Variants in ABCA13 observed in about 807,000 individuals in gnomAD.
ABCA13 encodes ATP-binding cassette sub-family A member 13.
ABCA13 carries 476 observed loss-of-function variants against 478.7 expected under a neutral mutation model. That is an observed-to-expected ratio of 0.99 (90% CI 0.92 to 1.07). The LOEUF (loss-of-function observed/expected upper bound fraction) is 1.07. Ranked by LOEUF, ABCA13 falls within the 50% of genes least tolerant of loss-of-function variation. The pLI, the probability that ABCA13 is intolerant of heterozygous loss-of-function variation, is 0.00. For missense variants in ABCA13, 6,060 were observed against 5,910.6 expected, an observed-to-expected ratio of 1.03 and a Z score of -0.83; for synonymous variants, 2,252 against 2,158.9, an observed-to-expected ratio of 1.04 and a Z score of -1.20.
intron 55 of ABCA13, among the ~76,000 whole-genome samples, chr7:48,535,086 T>A (rs1016796165): frequency 7.9e-5 from 12 of 152,170 alleles, no homozygotes; most frequent in Non-Finnish European, 1.6e-4. Flanking sequence ...AAGAATTATG[T>A]TTTGTCATAT....
At position 48,386,118 on chromosome 7, in the gene ABCA13, A is replaced by AGAAGC. The variant is rs1563165394; in HGVS notation, c.11336-1704_11336-1703insGAAGC. ...CAACAACAGTCAAGCCCAGAGTTAA[A>AGAAGC]TCAGTAACAAACTTCCATTCACAAC... On this transcript the variant is annotated intron_variant, in intron 35 of 61. Transcript: ENST00000435803. 2.6e-5 allele frequency among the ~76,000 whole-genome samples: 4 copies of AGAAGC among 152,308 alleles called. No homozygotes were observed. In the East Asian group the frequency reaches 5.8e-4, roughly 22 times the overall value.
intron 31 of ABCA13, among the ~76,000 whole-genome samples, chr7:48,353,448 A>G (rs1809374545): frequency 6.6e-6 from 1 of 151,576 alleles, no homozygotes; most frequent in South Asian, 2.1e-4. Flanking sequence ...AGGCTACTGA[A>G]GGGACCGGTT....
rs1804627310 is a variant in ABCA13 at position 48,328,245 on chromosome 7, G to A, written c.10000-7177G>A. On this transcript the variant is annotated intron_variant, in intron 27 of 61. Transcript: ENST00000435803. ...GAGCAATGGGGAAGGGCACTGGTGG[G>A]ACCTTTAGGCAGGTCAAGGTCTTTC... Among the ~76,000 whole-genome samples the A allele has an allele frequency of 2.6e-5, 4 of 152,162 alleles. No individual in the cohort carries two copies. In the South Asian group the frequency reaches 6.2e-4, roughly 24 times the overall value.
chr7:48,508,304 C>G (rs2130879119), intron 50 of ABCA13, among the ~76,000 whole-genome samples: 1 of 152,212 alleles, frequency 6.6e-6, no homozygotes, highest in Non-Finnish European at 1.5e-5. Context: ...TGCAAAGTTT[C>G]TTATTGAGAA....
At chr7:48,322,905 G>A (rs528701095) in intron 27 of ABCA13, among the ~76,000 whole-genome samples, 6 of 152,216 alleles carry the variant, frequency 3.9e-5, no homozygotes, top group African/African-American at 1.4e-4. Flanking sequence ...ATCACTATAG[G>A]TAGGTTTTCT....
At chr7:48,548,837 A>G (rs1785055590) in intron 55 of ABCA13, among the ~76,000 whole-genome samples, 1 of 151,578 alleles carries the variant, frequency 6.6e-6, no homozygotes, top group East Asian at 1.9e-4. Flanking sequence ...TGTTCCCTAC[A>G]TGCTCCTTAC....
chr7:48,175,347 T>C (rs1247241341), intron 1 of ABCA13, among the ~76,000 whole-genome samples: 1 of 152,204 alleles, frequency 6.6e-6, no homozygotes, highest in African/African-American at 2.4e-5. Context: ...ATAACTGTTA[T>C]GTCAAATGTT....
intron 49 of ABCA13, 96 bp downstream of exon 49, chr7:48,506,486 C>A: frequency 1.5e-6 from 2 of 1,365,932 alleles, no homozygotes; most frequent in South Asian, 1.2e-5. Flanking sequence ...TTTGCATTTG[C>A]CCCAAGAGAT....
chr7:48,275,672 G>T lies in ABCA13; in HGVS notation c.6006G>T (p.Leu2002Phe), dbSNP rs769369110. 1 of 1,598,720 alleles carries T rather than the reference G, an allele frequency of 6.3e-7. No homozygotes were observed. The highest frequency in any genetic ancestry group is 8.5e-7 in the Non-Finnish European group (1 of 1,171,786). The part of the protein sequence containing the change: ...TSVQNIISSN[L>F]ERTVQLISED... ...TTCAAAATATTATTTCCTCAAATTT[G>T]GAAAGGACAGTACAATTGATTTCTG... is the stretch of plus-strand genomic sequence containing the variant. The change falls in exon 17 of 62, where the codon TTG becomes TTT. Residue 2002 changes from leucine to phenylalanine, a missense_variant. Physicochemically the swap from Leu to Phe is conservative, Grantham distance 22 (BLOSUM62 0). Coordinates refer to ENST00000435803, the MANE Select transcript of ABCA13 (RefSeq NM_152701.5).
rs764935697 is a variant in ABCA13, at chr7:48,372,211, C to A, written c.10847C>A (p.Ala3616Asp). 5 of 1,613,692 alleles carry A rather than the reference C, an allele frequency of 3.1e-6. No homozygotes were observed. The African/African-American group carries it at 6.7e-5, about 22-fold the overall frequency. ...GTGCATCCAGTGATCCATTTCCTGG[C>A]CTGGTTCCTGGAGAACATGGCTGTG... is the stretch of plus-strand genomic sequence containing the variant. ...MGVHPVIHFLAWFLENMAVLT... is the reference protein window; with the variant it reads ...MGVHPVIHFLDWFLENMAVLT... Residue 3616 changes from alanine to aspartate, a missense_variant, in exon 33 of 62, where the codon GCC becomes GAC. Coordinates refer to ENST00000435803, the MANE Select transcript of ABCA13 (RefSeq NM_152701.5).
chr7:48,495,456 G>C (rs1273495368), intron 48 of ABCA13, among the ~76,000 whole-genome samples: 1 of 152,002 alleles, frequency 6.6e-6, no homozygotes, highest in Admixed American at 6.6e-5. Flanking sequence ...TTATGGTCAG[G>C]ATATTGTTTA....
chr7:48,343,433 G>T (rs1807553016), intron 29 of ABCA13, among the ~76,000 whole-genome samples: 2 of 152,084 alleles, frequency 1.3e-5, no homozygotes, highest in Admixed American at 1.3e-4. Flanking sequence ...GGCCCATGTA[G>T]ATCCAGAGCT....
chr7:48,356,409 A>C (rs1809925592), intron 31 of ABCA13, among the ~76,000 whole-genome samples: 1 of 151,046 alleles, frequency 6.6e-6, no homozygotes, highest in African/African-American at 2.5e-5. Context: ...TTTAAATATA[A>C]GATGCTACCT....
chr7:48,299,990 A>C (rs1799927124), intron 23 of ABCA13, among the ~76,000 whole-genome samples: 1 of 152,228 alleles, frequency 6.6e-6, no homozygotes, highest in Admixed American at 6.5e-5. Flanking sequence ...CGTTTCAAAT[A>C]AGTAATGAGA....
intron 31 of ABCA13, among the ~76,000 whole-genome samples, chr7:48,361,703 A>G (rs368494694): frequency 6.6e-5 from 10 of 151,834 alleles, no homozygotes; most frequent in African/African-American, 2.2e-4. Flanking sequence ...CTCCTACCTT[A>G]TATCCCATAG....
At chr7:48,586,857 C>CA (rs1012928159) in intron 56 of ABCA13, among the ~76,000 whole-genome samples, 6 of 152,094 alleles carry the variant, frequency 3.9e-5, no homozygotes, top group Non-Finnish European at 8.8e-5. Context: ...CCTCAACATG[C>CA]TTATTTATCT....
At chr7:48,285,941 G>C (rs1443354794) in intron 19 of ABCA13, among the ~76,000 whole-genome samples, 4 of 152,068 alleles carry the variant, frequency 2.6e-5, no homozygotes, top group African/African-American at 9.7e-5. Context: ...AACAAATAAG[G>C]CATCAAGGTG....
At chr7:48,280,781 G>A (rs1796929322) in intron 18 of ABCA13, among the ~76,000 whole-genome samples, 1 of 152,190 alleles carries the variant, frequency 6.6e-6, no homozygotes, top group South Asian at 2.1e-4. Flanking sequence ...TCTTTAGTTG[G>A]TGAAACAGGT....
chr7:48,171,540 A>G lies in ABCA13; in HGVS notation c.57A>G (p.Arg19=). The G allele has an allele frequency of 6.5e-7, 1 of 1,536,360 alleles. No individual in the cohort carries two copies. The highest frequency in any genetic ancestry group is 1.2e-5 in the South Asian group (1 of 84,014). The change falls in exon 1 of 62, where the codon AGA becomes AGG. Residue 19 remains arginine (R), a synonymous_variant. Transcript: ENST00000435803. ...TGCTGTGGAAGAATTGGCTCTGCAG[A>G]CTCAGGAACCCGGTGAGTGCTTGCC... is the stretch of plus-strand genomic sequence containing the variant. ...KALLWKNWLC[R]LRNPVLFLAE...
Sources: gnomAD v4.1 joint callset for allele counts (sites outside exome capture counted in the v4.1 genomes callset) on GRCh38, gnomAD v4.1.1 for gene constraint, MANE v1.5 for transcripts, NCBI Gene and HGNC (gene_info 2026-07-23, HGNC 2026-07-21) for gene names.